Variants in PLCL1 observed in about 807,000 individuals in gnomAD.
PLCL1 encodes the protein inactive phospholipase C-like protein 1.
In PLCL1, 41 loss-of-function variants were observed where a neutral mutation model predicts 84.4. The ratio of observed to expected loss-of-function variants is 0.49; its 90% confidence interval spans 0.38 to 0.63. The LOEUF is 0.63. Ranked by LOEUF, PLCL1 falls within the 30% of genes least tolerant of loss-of-function variation. PLCL1 has a pLI of 0.00. For missense variants in PLCL1, 1,206 were observed against 1,367.8 expected, an observed-to-expected ratio of 0.88 and a Z score of 1.87; for synonymous variants, 490 against 488.3, an observed-to-expected ratio of 1.00 and a Z score of -0.05.
At chr2:197,819,634 C>T (rs1690765719) in intron 1 of PLCL1, among the ~76,000 whole-genome samples, 1 of 152,112 alleles carries the variant, frequency 6.6e-6, no homozygotes, top group African/African-American at 2.4e-5. Flanking sequence ...TCTACTATCA[C>T]TCCCATTCTT....
chr2:197,929,807 G>A (rs142818735), intron 1 of PLCL1, among the ~76,000 whole-genome samples: 9 of 152,218 alleles, frequency 5.9e-5, no homozygotes, highest in South Asian at 4.2e-4. Context: ...TTTCTCATTC[G>A]TTGACTTGCA....
chr2:198,032,942 A>T (rs1691461053), intron 1 of PLCL1, among the ~76,000 whole-genome samples: 1 of 152,130 alleles, frequency 6.6e-6, no homozygotes, highest in Non-Finnish European at 1.5e-5. Flanking sequence ...AAGAACTGGG[A>T]CTTGGATTTG....
intron 5 of PLCL1, among the ~76,000 whole-genome samples, chr2:198,111,347 C>T (rs1289173635): frequency 6.6e-6 from 1 of 151,820 alleles, no homozygotes; most frequent in Admixed American, 6.6e-5. Context: ...AGTCACATGT[C>T]CCTTCCACTC....
intron 1 of PLCL1, among the ~76,000 whole-genome samples, chr2:197,958,709 A>G (rs1034227372): frequency 2.8e-4 from 43 of 152,054 alleles, no homozygotes; most frequent in Non-Finnish European, 5.9e-5. Context: ...ACTATTTATT[A>G]CATGCCAACT....
chr2:197,980,925 A>C (rs1460736805), intron 1 of PLCL1, among the ~76,000 whole-genome samples: 1 of 152,238 alleles, frequency 6.6e-6, no homozygotes, highest in Non-Finnish European at 1.5e-5. Context: ...TGAAGGAGCC[A>C]GCCTCAATGA....
At chr2:197,944,778 A>T (rs1036211856) in intron 1 of PLCL1, among the ~76,000 whole-genome samples, 1 of 152,140 alleles carries the variant, frequency 6.6e-6, no homozygotes, top group Non-Finnish European at 1.5e-5. Context: ...TTTCTTAAAC[A>T]TTTCCAGGGA....
At position 197,932,492 on chromosome 2, in the gene PLCL1, C is replaced by G. The variant is rs542891141; in HGVS notation, c.240+127153C>G. Among the ~76,000 whole-genome samples, 3 of 152,206 alleles carry G rather than the reference C, an allele frequency of 2.0e-5. No individual in the cohort carries two copies. In the South Asian group the frequency reaches 6.2e-4, roughly 32 times the overall value. On this transcript the variant is annotated intron_variant, in intron 1 of 5. Transcript: ENST00000428675. ...AGATTTTAAGTCCTGCATGCATTGACTATTTCTCCAGATGCTCTCCGTCCC... is the reference window on the plus strand; with the variant it reads ...AGATTTTAAGTCCTGCATGCATTGAGTATTTCTCCAGATGCTCTCCGTCCC...
intron 1 of PLCL1, among the ~76,000 whole-genome samples, chr2:197,911,674 C>G (rs1409680713): frequency 6.6e-6 from 1 of 152,010 alleles, no homozygotes; most frequent in East Asian, 1.9e-4. Flanking sequence ...GCTTCCTGTC[C>G]AATTTGTGAG....
intron 1 of PLCL1, among the ~76,000 whole-genome samples, chr2:197,926,215 C>A (rs1319823460): frequency 6.6e-6 from 1 of 152,108 alleles, no homozygotes; most frequent in South Asian, 2.1e-4. Context: ...CCAAACCAAC[C>A]CTGTGGGAGA....
intron 1 of PLCL1, among the ~76,000 whole-genome samples, chr2:198,017,438 C>T (rs1691024390): frequency 6.6e-6 from 1 of 152,324 alleles, no homozygotes; most frequent in Non-Finnish European, 1.5e-5. Flanking sequence ...TATGCAGCTG[C>T]CTACCATAAA....
At chr2:198,102,080 G>A (rs1290427882) in intron 4 of PLCL1, among the ~76,000 whole-genome samples, 1 of 152,052 alleles carries the variant, frequency 6.6e-6, no homozygotes, top group Non-Finnish European at 1.5e-5. Flanking sequence ...GAGACTGAGT[G>A]ACTTACCCTA....
intron 1 of PLCL1, among the ~76,000 whole-genome samples, chr2:197,976,592 G>A (rs1689986831): frequency 6.6e-6 from 1 of 152,126 alleles, no homozygotes; most frequent in East Asian, 1.9e-4. Flanking sequence ...GGGATTACAG[G>A]TGTGCACCAC....
chr2:197,890,168 C>T (rs1181842679), intron 1 of PLCL1, among the ~76,000 whole-genome samples: 4 of 152,184 alleles, frequency 2.6e-5, no homozygotes, highest in Non-Finnish European at 5.9e-5. Context: ...AAATTGACAA[C>T]AGATAGTTTC....
In PLCL1 at chr2:198,086,097, T is replaced by C; in HGVS notation, c.2580T>C (p.Ser860=). The C allele has an allele frequency of 6.2e-7, 1 of 1,614,058 alleles. No individual in the cohort carries two copies. Among genetic ancestry groups the C allele is most frequent in the Non-Finnish European group, 8.5e-7 (1 of 1,179,944 alleles). ...RSGGGKAQKR[S]LSVRMGKKVR... The stretch of plus-strand genomic sequence containing the variant: ...GAGGAGGAAAGGCACAGAAGCGCAG[T>C]CTTTCAGTGAGAATGGGGAAGAAAG... The change falls in exon 2 of 6, where the codon AGT becomes AGC. Residue 860 remains serine, a synonymous_variant. Transcript: ENST00000428675.
chr2:197,872,738 A>G (rs1475023354), intron 1 of PLCL1, among the ~76,000 whole-genome samples: 1 of 152,144 alleles, frequency 6.6e-6, no homozygotes, highest in Non-Finnish European at 1.5e-5. Flanking sequence ...TTGTGATTAC[A>G]ATTGTAATTA....
chr2:197,919,744 G>A (rs1011610340), intron 1 of PLCL1, among the ~76,000 whole-genome samples: 19 of 152,328 alleles, frequency 1.2e-4, no homozygotes, highest in African/African-American at 4.3e-4. Flanking sequence ...CATGAATGGG[G>A]AAATATGTGT....
At chr2:197,924,121 T>A (rs1375921754) in intron 1 of PLCL1, among the ~76,000 whole-genome samples, 3 of 114,034 alleles carry the variant, frequency 2.6e-5, no homozygotes, top group Non-Finnish European at 3.6e-5. Flanking sequence ...CGGCTCCGCA[T>A]GAGAGGGAGA....
At chr2:197,897,134 TC>T (rs1688154191) in intron 1 of PLCL1, among the ~76,000 whole-genome samples, 1 of 29,774 alleles carries the variant, frequency 3.4e-5, no homozygotes, top group Non-Finnish European at 6.2e-5. Context: ...TTCTTCTTCT[TC>T]TTCTTCTTCT....
chr2:197,934,173 T>G (rs1689003482), intron 1 of PLCL1, among the ~76,000 whole-genome samples: 1 of 152,232 alleles, frequency 6.6e-6, no homozygotes, highest in African/African-American at 2.4e-5. Context: ...ACAGTTTGGT[T>G]TGCCAGCAAG....
Sources: gnomAD v4.1 joint callset for allele counts (sites outside exome capture counted in the v4.1 genomes callset) on GRCh38, gnomAD v4.1.1 for gene constraint, MANE v1.5 for transcripts, NCBI Gene and HGNC (gene_info 2026-07-23, HGNC 2026-07-21) for gene names.